The following TENM1 variants were observed in gnomAD, a reference collection of about 807,000 sequenced individuals.
TENM1 encodes the protein teneurin transmembrane protein 1.
In TENM1, 35 loss-of-function variants were observed where a neutral mutation model predicts 174.8. The observed-to-expected ratio is 0.20, with a 90% confidence interval of 0.15 to 0.27. The LOEUF (loss-of-function observed/expected upper bound fraction) is 0.27, where lower values mean the gene tolerates loss of function less well. TENM1 is among the 10% of genes least tolerant of loss of function. The probability of loss-of-function intolerance (pLI) is 1.00; values close to 1 mark genes in which losing one functional copy is unlikely to be tolerated. For missense variants in TENM1, 1,633 were observed against 2,130.1 expected, an observed-to-expected ratio of 0.77 and a Z score of 4.59; for synonymous variants, 781 against 798.7, an observed-to-expected ratio of 0.98 and a Z score of 0.37.
At chrX:124,507,419 G>A (rs16999242) in intron 18 of TENM1, among the ~76,000 whole-genome samples, 2,183 of 111,220 alleles carry the variant, frequency 0.02, 45 homozygotes, top group African/African-American at 0.06. Flanking sequence ...TTAACCAAGA[G>A]TCACTAATTG....
chrX:124,949,103 T>C (rs753537108), intron 1 of TENM1, among the ~76,000 whole-genome samples: 2 of 111,390 alleles, frequency 1.8e-5, no homozygotes, highest in African/African-American at 3.3e-5. Flanking sequence ...ATTCATTCTG[T>C]TATTTACAGT....
the TENM1 span, among the ~76,000 whole-genome samples, chrX:124,988,960 T>C: frequency 8.9e-6 from 1 of 111,910 alleles, no homozygotes; most frequent in East Asian, 2.8e-4. Context: ...TCATACTGAA[T>C]AATGAAAGAC....
chrX:124,520,871 G>T, intron 17 of TENM1, 87 bp from the exon 21 acceptor site: 1 of 901,446 alleles, frequency 1.1e-6, no homozygotes, highest in Non-Finnish European at 1.5e-6. Flanking sequence ...TGTTGTCTTT[G>T]AAACATGCCA....
intron 3 of TENM1, among the ~76,000 whole-genome samples, chrX:124,815,279 A>G (rs1488029050): frequency 1.8e-5 from 2 of 111,929 alleles, no homozygotes; most frequent in Non-Finnish European, 3.8e-5. Context: ...ATCAAATTAT[A>G]TGCTGTAGCT....
chrX:125,133,158 T>G, the TENM1 span, among the ~76,000 whole-genome samples: 1 of 110,698 alleles, frequency 9.0e-6, no homozygotes, highest in African/African-American at 3.3e-5. Flanking sequence ...CACGCCTGGC[T>G]AATTTTTTTG....
At chrX:124,942,608 C>T (rs16998153) in intron 1 of TENM1, among the ~76,000 whole-genome samples, 17,347 of 111,029 alleles carry the variant, frequency 0.16, 3,306 homozygotes, top group African/African-American at 0.54. Flanking sequence ...TAAAAAACAG[C>T]GGAGAAAAAG....
At chrX:124,760,420 C>A (rs1476445608) in intron 3 of TENM1, among the ~76,000 whole-genome samples, 1 of 111,620 alleles carries the variant, frequency 9.0e-6, no homozygotes, top group East Asian at 2.8e-4. Context: ...CCCTTTATTT[C>A]TTTCTTTTGC....
chrX:124,516,329 A>G (rs766696369), intron 18 of TENM1, among the ~76,000 whole-genome samples: 1 of 112,381 alleles, frequency 8.9e-6, no homozygotes, highest in Admixed American at 9.4e-5. Flanking sequence ...AGCAATCACA[A>G]CAAAAGCAAA....
chrX:124,756,517 G>A (rs1472340748), intron 3 of TENM1, among the ~76,000 whole-genome samples: 1 of 111,597 alleles, frequency 9.0e-6, no homozygotes, highest in African/African-American at 3.3e-5. Context: ...ATCCAGCTTT[G>A]TTCCGTTGCT....
chrX:124,386,116 C>T (rs374931224), intron 28 of TENM1, 52 bp from the exon 32 acceptor site: 408 of 1,077,136 alleles, frequency 3.8e-4, no homozygotes, highest in Non-Finnish European at 4.5e-4. Flanking sequence ...AAAGTTGAGG[C>T]GACTAAAGAA....
At chrX:124,896,756 T>C (rs2057568902) in intron 1 of TENM1, among the ~76,000 whole-genome samples, 1 of 112,138 alleles carries the variant, frequency 8.9e-6, no homozygotes, top group African/African-American at 3.2e-5. Context: ...TCCTAAAACA[T>C]GTTAATTTAA....
the TENM1 span, among the ~76,000 whole-genome samples, chrX:125,039,478 C>T: frequency 9.1e-6 from 1 of 110,385 alleles, no homozygotes; most frequent in East Asian, 2.9e-4. Context: ...TTTTGTTCAG[C>T]CACCATTAGT....
the TENM1 span, among the ~76,000 whole-genome samples, chrX:125,159,937 C>T: frequency 8.1e-5 from 9 of 110,735 alleles, no homozygotes; most frequent in South Asian, 3.8e-4. Context: ...TGGTGGCTCA[C>T]GCCTGTAATC....
chrX:124,511,449 AG>A (rs1387736154), intron 18 of TENM1, among the ~76,000 whole-genome samples: 19 of 111,523 alleles, frequency 1.7e-4, no homozygotes, highest in African/African-American at 6.2e-4. Flanking sequence ...GTACTCAGTA[AG>A]GTGGGTTGGT....
intron 23 of TENM1, among the ~76,000 whole-genome samples, chrX:124,431,387 C>T (rs1486634646): frequency 8.9e-6 from 1 of 111,780 alleles, no homozygotes; most frequent in Non-Finnish European, 1.9e-5. Flanking sequence ...GAGTCCTCTT[C>T]AGTAGGAATT....
the TENM1 span, among the ~76,000 whole-genome samples, chrX:125,147,281 G>A: frequency 1.8e-5 from 2 of 108,689 alleles, no homozygotes; most frequent in Non-Finnish European, 3.8e-5. Context: ...CATAAGTATA[G>A]TATATACCAT....
chrX:124,759,803 AG>A (rs1250170615), intron 3 of TENM1, among the ~76,000 whole-genome samples: 4 of 112,169 alleles, frequency 3.6e-5, no homozygotes, highest in African/African-American at 1.3e-4. Context: ...AATAATAAAT[AG>A]CCGATTATCT....
intron 11 of TENM1, among the ~76,000 whole-genome samples, chrX:124,634,815 C>T (rs2050840781): frequency 9.0e-6 from 1 of 111,662 alleles, no homozygotes; most frequent in South Asian, 3.7e-4. Flanking sequence ...GTTTCCTCAG[C>T]AACAACAATT....
chrX:124,599,649 TAGG>T (rs1469391178), intron 11 of TENM1, among the ~76,000 whole-genome samples: 1 of 111,306 alleles, frequency 9.0e-6, no homozygotes. Flanking sequence ...TTTCCACGAT[TAGG>T]AGTAGTTAAG....
Sources: gnomAD v4.1 joint callset for allele counts (sites outside exome capture counted in the v4.1 genomes callset) on GRCh38, gnomAD v4.1.1 for gene constraint, MANE v1.5 for transcripts, NCBI Gene and HGNC (gene_info 2026-07-23, HGNC 2026-07-21) for gene names.